Variants in NEMF observed in about 807,000 individuals in gnomAD.
NEMF encodes ribosome quality control complex subunit NEMF.
A neutral mutation model predicts 162.2 loss-of-function variants in NEMF; 89 were observed. The ratio of observed to expected loss-of-function variants is 0.55; its 90% CI spans 0.46 to 0.65. The LOEUF is 0.65. Ranked by LOEUF, NEMF falls within the 30% of genes least tolerant of loss-of-function variation. The pLI, the probability that NEMF is intolerant of heterozygous loss-of-function variation, is 0.00. For missense variants in NEMF, 1,133 were observed against 1,261.9 expected (o/e 0.90, Z 1.55); for synonymous variants, 421 against 404.5 (o/e 1.04, Z -0.49).
chr14:49,800,365 C>T (rs1890898258), intron 23 of NEMF, 55 bp downstream of exon 23: 1 of 1,257,812 alleles, frequency 8.0e-7, no homozygotes, highest in Non-Finnish European at 1.1e-6. Context: ...TAAGGATTAC[C>T]TCATCATCAT....
chr14:49,838,761 T>C (rs1893041427), intron 5 of NEMF, among the ~76,000 whole-genome samples: 1 of 151,968 alleles, frequency 6.6e-6, no homozygotes, highest in Non-Finnish European at 1.5e-5. Context: ...ATATTTTGTA[T>C]TTTTAGTAGA....
At chr14:49,814,902 C>G in intron 16 of NEMF, 45 bp from the exon 17 acceptor site, 1 of 1,076,672 alleles carries the variant, frequency 9.3e-7, no homozygotes, top group South Asian at 1.4e-5. Flanking sequence ...TTATAGCTGC[C>G]TGAATTCATA....
intron 19 of NEMF, among the ~76,000 whole-genome samples, chr14:49,805,095 T>A (rs954414439): frequency 1.3e-5 from 2 of 152,032 alleles, no homozygotes; most frequent in African/African-American, 2.4e-5. Flanking sequence ...TTCTAAAAAA[T>A]TTCTTAATGA....
intron 11 of NEMF, among the ~76,000 whole-genome samples, chr14:49,829,740 G>A (rs1211615401): frequency 6.6e-6 from 1 of 152,082 alleles, no homozygotes; most frequent in Non-Finnish European, 1.5e-5. Flanking sequence ...TTTTTCCTAT[G>A]GCACAAAAGT....
rs202194962 is a variant in NEMF, at chr14:49,802,717, A to G, written c.1926T>C (p.Asn642=). ...TGSFMIRGKK[N]FLPPSYLMMG... ...TCATTAGATATGAGGGAGGAAGAAA[A>G]TTCTTTTTTCCTACAAAAGATAACG... Residue 642 remains asparagine, a synonymous_variant, in exon 21 of 33, where the codon AAT becomes AAC. Coordinates refer to ENST00000298310, the MANE Select transcript of NEMF (RefSeq NM_004713.6). 6.2e-7 allele frequency: 1 copy of G among 1,610,348 alleles called. No individual in the cohort carries two copies. Among genetic ancestry groups the G allele is most frequent in the Admixed American group, 1.7e-5 (1 of 59,388 alleles).
intron 4 of NEMF, chr14:49,844,731 G>T (rs367781179): frequency 2.8e-5 from 2 of 70,652 alleles, no homozygotes; most frequent in Non-Finnish European, 7.1e-5. Flanking sequence ...GCACGCGCAC[G>T]CGCGCGCACA....
At chr14:49,833,345 A>G in intron 8 of NEMF, 78 bp downstream of exon 8, 1 of 782,558 alleles carries the variant, frequency 1.3e-6, no homozygotes, top group Non-Finnish European at 2.0e-6. Flanking sequence ...TGTATATATA[A>G]TGATCCTTTA....
At position 49,788,413 on chromosome 14, in the gene NEMF, G is replaced by A. The variant is rs552858642; in HGVS notation, c.2895+733C>T. On this transcript the variant is annotated intron_variant, in intron 28 of 32. Transcript: ENST00000298310. ...GGAAAAATACGAACTCACTGGTTTT[G>A]TAACCAGAGTACTTGGCTCTTAAAT... is the stretch of plus-strand genomic sequence containing the variant. 2.6e-5 allele frequency among the ~76,000 whole-genome samples: 4 copies of A among 151,936 alleles called. No individual in the cohort carries two copies. The East Asian group carries it at 7.7e-4, about 29-fold the overall frequency.
chr14:49,803,203 A>G, intron 20 of NEMF, 34 bp downstream of exon 20: 1 of 1,430,334 alleles, frequency 7.0e-7, no homozygotes, highest in Non-Finnish European at 9.9e-7. Flanking sequence ...ATCCATTGAC[A>G]AGTCTAGTGA....
intron 28 of NEMF, among the ~76,000 whole-genome samples, 187 bp downstream of exon 28, chr14:49,788,958 AC>A (rs2139825022): frequency 6.6e-6 from 1 of 152,326 alleles, no homozygotes; most frequent in East Asian, 1.9e-4. Context: ...AGCTATCAGT[AC>A]TACCATTATC....
chr14:49,821,745 C>T (rs1264095157), intron 16 of NEMF, among the ~76,000 whole-genome samples: 28 of 151,136 alleles, frequency 1.9e-4, no homozygotes, highest in Non-Finnish European at 4.4e-5. Context: ...GCGCCTCTGC[C>T]CGGCCGCCCC....
At chr14:49,831,144 T>G (rs1298277584) in intron 11 of NEMF, among the ~76,000 whole-genome samples, 155 bp downstream of exon 11, 1 of 152,208 alleles carries the variant, frequency 6.6e-6, no homozygotes, top group Non-Finnish European at 1.5e-5. Flanking sequence ...CCCATGGACC[T>G]TCTTCATAAA....
chr14:49,826,286 A>G (rs1892340053), intron 15 of NEMF, among the ~76,000 whole-genome samples: 1 of 152,158 alleles, frequency 6.6e-6, no homozygotes, highest in Non-Finnish European at 1.5e-5. Context: ...TTAGAGATAT[A>G]AGAGTGAACA....
At chr14:49,829,526 C>A in intron 11 of NEMF, 100 bp from the exon 12 acceptor site, 1 of 961,150 alleles carries the variant, frequency 1.0e-6, no homozygotes, top group Non-Finnish European at 1.6e-6. Context: ...CCCATCTATG[C>A]TGTTATCTAG....
chr14:49,838,138 C>T lies in NEMF; in HGVS notation c.574+1G>A, dbSNP rs1892998702. 6.2e-7 allele frequency: 1 copy of T among 1,607,422 alleles called. No homozygotes were observed. Among genetic ancestry groups the T allele is most frequent in the East Asian group, 2.2e-5 (1 of 44,770 alleles). Reference sequence around the variant, plus strand: ...TCACTGCTATTTGCAGGAATACTCACGAAGTAATGGGTTAAGCACCCTCTT... The same window carrying T: ...TCACTGCTATTTGCAGGAATACTCATGAAGTAATGGGTTAAGCACCCTCTT... On this transcript the variant is annotated splice_donor_variant, in intron 6 of 32. Transcript: ENST00000298310. LOFTEE classifies it high-confidence loss of function.
intron 4 of NEMF, among the ~76,000 whole-genome samples, chr14:49,842,143 G>GAA (rs11380094): frequency 0.014 from 1,973 of 145,364 alleles, 33 homozygotes; most frequent in Non-Finnish European, 0.016. Flanking sequence ...ATCTACAATA[G>GAA]AAAAAAAAAA....
chr14:49,834,435 G>C lies in NEMF; in HGVS notation c.589C>G (p.Leu197Val), dbSNP rs763262823. ...TTTTCTAAAAGACAGTGTTCAATGA[G>C]AGCTGGTCCATAGGCTATAAATGCA... ...LNPLLPYGPA[L>V]IEHCLLENGF... The change falls in exon 7 of 33, where the codon CTC (leucine) becomes GTC (valine). Residue 197 changes from leucine to valine, a missense_variant. Physicochemically the swap from Leu to Val is conservative, Grantham distance 32 (BLOSUM62 1). Transcript: ENST00000298310. The C allele has an allele frequency of 6.3e-7, 1 of 1,599,958 alleles. No homozygotes were observed. Among genetic ancestry groups the C allele is most frequent in the East Asian group, 2.2e-5 (1 of 44,818 alleles).
intron 19 of NEMF, among the ~76,000 whole-genome samples, chr14:49,804,383 A>T (rs1288421862): frequency 6.6e-6 from 1 of 152,160 alleles, no homozygotes; most frequent in Non-Finnish European, 1.5e-5. Flanking sequence ...CCCATAATTT[A>T]AAAAAATTTT....
intron 4 of NEMF, among the ~76,000 whole-genome samples, chr14:49,843,806 C>A (rs953744860): frequency 6.6e-6 from 1 of 151,944 alleles, no homozygotes; most frequent in African/African-American, 2.4e-5. Flanking sequence ...GGTATTACAA[C>A]AACAGTTCCA....
Sources: allele counts gnomAD v4.1 joint callset (sites outside exome capture counted in the v4.1 genomes callset), GRCh38; gene constraint gnomAD v4.1.1; transcripts MANE v1.5; gene names NCBI Gene and HGNC (gene_info 2026-07-23, HGNC 2026-07-21).